Variants in CABIN1 observed in about 807,000 individuals in gnomAD.
CABIN1 encodes the protein calcineurin binding protein 1, also known as calcineurin-binding protein cabin-1.
CABIN1 carries 133 observed loss-of-function variants against 227.7 expected under a neutral mutation model. That is an observed-to-expected ratio of 0.58 (90% confidence interval 0.51 to 0.67). CABIN1 has a LOEUF of 0.67. Ranked by LOEUF, CABIN1 falls within the 30% of genes least tolerant of loss-of-function variation. CABIN1 has a pLI of 0.00. For synonymous variants in CABIN1, 1,086 were observed against 1,155.1 expected (o/e 0.94, Z 1.21); for missense variants, 2,408 against 2,852.5 (o/e 0.84, Z 3.55).
intron 10 of CABIN1, among the ~76,000 whole-genome samples, chr22:24,058,534 C>T (rs2038965210): frequency 1.3e-5 from 2 of 152,280 alleles, no homozygotes; most frequent in South Asian, 4.1e-4. Context: ...TCCCCAGTCC[C>T]GAGACTGGGC....
At chr22:24,040,388 T>G (rs953143660) in intron 4 of CABIN1, among the ~76,000 whole-genome samples, 4 of 152,180 alleles carry the variant, frequency 2.6e-5, no homozygotes, top group African/African-American at 4.8e-5. Flanking sequence ...TGAAGAGCAA[T>G]GTGTGGAAGC....
intron 18 of CABIN1, among the ~76,000 whole-genome samples, chr22:24,074,323 G>C (rs559465121): frequency 6.6e-6 from 1 of 152,238 alleles, no homozygotes; most frequent in South Asian, 2.1e-4. Flanking sequence ...AAGAAAGAGA[G>C]AGAGATTGGA....
At chr22:24,076,329 G>T in intron 19 of CABIN1, 45 bp downstream of exon 19, 1 of 1,510,478 alleles carries the variant, frequency 6.6e-7, no homozygotes. Context: ...GCGGGGCAGG[G>T]CTGGGGTGGG....
At chr22:24,035,582 G>C (rs1013502259) in intron 2 of CABIN1, 62 bp downstream of exon 2, 1 of 1,600,980 alleles carries the variant, frequency 6.2e-7, no homozygotes, top group African/African-American at 1.3e-5. Flanking sequence ...TTACTCCTGG[G>C]GGCGAGGGGC....
At chr22:24,105,015 A>G (rs2042431560) in intron 26 of CABIN1, among the ~76,000 whole-genome samples, 1 of 152,212 alleles carries the variant, frequency 6.6e-6, no homozygotes, top group East Asian at 1.9e-4. Flanking sequence ...TTAAAGAGAC[A>G]CTGGAAAGTT....
intron 19 of CABIN1, among the ~76,000 whole-genome samples, chr22:24,078,373 C>CA (rs1304316905): frequency 8.5e-5 from 13 of 152,198 alleles, no homozygotes; most frequent in Non-Finnish European, 1.5e-4. Flanking sequence ...GCTGAGCACT[C>CA]ATGATTCTGG....
Position 24,166,745 on chromosome 22 carries a change from A to G in CABIN1, c.5114A>G (p.Gln1705Arg). Residue 1705 changes from glutamine to arginine, a missense_variant, in exon 32 of 37, where the codon CAG becomes CGG. Physicochemically the swap from Gln to Arg is conservative, Grantham distance 43. Transcript: ENST00000263119. ...GAGGATGGCCAGGAGGGCCTCCCCC[A>G]GCCGAAGAAGCCCCCTCTGGCTGAT... ...SPEDGQEGLP[Q>R]PKKPPLADGS... 1 of 1,612,782 alleles carries G rather than the reference A, an allele frequency of 6.2e-7. No homozygotes were observed. Among genetic ancestry groups the G allele is most frequent in the Non-Finnish European group, 8.5e-7 (1 of 1,179,948 alleles).
At chr22:24,107,025 C>G (rs1479008399) in intron 26 of CABIN1, among the ~76,000 whole-genome samples, 1 of 152,160 alleles carries the variant, frequency 6.6e-6, no homozygotes, top group Admixed American at 6.5e-5. Context: ...CTTTTGGTGG[C>G]TCTCATTTGA....
chr22:24,060,614 TTTG>T (rs1262599567), intron 12 of CABIN1, among the ~76,000 whole-genome samples: 5 of 152,022 alleles, frequency 3.3e-5, no homozygotes, highest in South Asian at 2.1e-4. Context: ...GACTGAGGCT[TTTG>T]TTGTTGTTGT....
chr22:24,098,650 C>T (rs1484278997), intron 26 of CABIN1, among the ~76,000 whole-genome samples: 1 of 151,954 alleles, frequency 6.6e-6, no homozygotes, highest in African/African-American at 2.4e-5. Flanking sequence ...AGTCTGTCAC[C>T]CCTGAGAATC....
Position 24,133,064 on chromosome 22 carries a change from C to G in CABIN1, c.4633-1238C>G, listed in dbSNP as rs10427752. Among the ~76,000 whole-genome samples, 1,457 of 152,286 alleles carry G rather than the reference C, an allele frequency of 9.6e-3. 27 individuals carry two copies. Among genetic ancestry groups the G allele is most frequent in the African/African-American group, 0.033 (1,369 of 41,558 alleles). ...GGACCCTTTTGCTGCCCAGGTTGTTCCCTCCTCTGCCTGTCTCTCCTTCCC... is the reference window on the plus strand; with the variant it reads ...GGACCCTTTTGCTGCCCAGGTTGTTGCCTCCTCTGCCTGTCTCTCCTTCCC... On this transcript the variant is annotated intron_variant, in intron 28 of 36. Transcript: ENST00000263119.
chr22:24,059,962 A>C lies in CABIN1; in HGVS notation c.1438A>C (p.Thr480Pro). ...DVHEFLLENLTNGGILELMMR... is the reference protein window; with the variant it reads ...DVHEFLLENLPNGGILELMMR... ...GCATGAGTTCCTGCTGGAGAACCTA[A>C]CCAACGGGGGCATCCTGGAGCTGAT... The change falls in exon 12 of 37, where the codon ACC (threonine) becomes CCC (proline). Residue 480 changes from threonine to proline, a missense_variant. This residue lies in a region of CABIN1 where 1,045 missense variants were observed against 1,168.4 expected (regional missense o/e 0.89). Coordinates refer to ENST00000263119, the MANE Select transcript of CABIN1 (RefSeq NM_012295.4). 1 of 1,614,222 alleles carries C rather than the reference A, an allele frequency of 6.2e-7. No homozygotes were observed. The highest frequency in any genetic ancestry group is 8.5e-7 in the Non-Finnish European group (1 of 1,180,036).
At chr22:24,096,785 A>G (rs955256491) in intron 25 of CABIN1, among the ~76,000 whole-genome samples, 23 of 152,222 alleles carry the variant, frequency 1.5e-4, no homozygotes, top group African/African-American at 4.8e-4. Flanking sequence ...GCTCAGGGTC[A>G]CCACCTGCCA....
At chr22:24,067,546 A>T (rs138866884) in intron 16 of CABIN1, among the ~76,000 whole-genome samples, 1 of 152,228 alleles carries the variant, frequency 6.6e-6, no homozygotes, top group Non-Finnish European at 1.5e-5. Flanking sequence ...AGTGGCTAAA[A>T]TATCTGTACA....
chr22:24,012,867 TCTC>T (rs1490376665), intron 1 of CABIN1, among the ~76,000 whole-genome samples: 1 of 151,950 alleles, frequency 6.6e-6, no homozygotes, highest in Non-Finnish European at 1.5e-5. Flanking sequence ...TTCAAGCAGT[TCTC>T]CTGTCTCGGC....
chr22:24,104,788 C>T (rs1371006021), intron 26 of CABIN1, among the ~76,000 whole-genome samples: 1 of 152,214 alleles, frequency 6.6e-6, no homozygotes, highest in East Asian at 1.9e-4. Context: ...CAGAAAATTT[C>T]TCAAAATACT....
chr22:24,069,177 T>G (rs1361503686), intron 16 of CABIN1, among the ~76,000 whole-genome samples: 1 of 152,244 alleles, frequency 6.6e-6, no homozygotes, highest in African/African-American at 2.4e-5. Flanking sequence ...TTGGATAGTT[T>G]GTGTCTTGTT....
At chr22:24,156,692 C>G (rs920700667) in intron 29 of CABIN1, 2 of 152,208 alleles carry the variant, frequency 1.3e-5, no homozygotes, top group Non-Finnish European at 1.5e-5. Flanking sequence ...AGCACCGGCC[C>G]GTTATGTGCG....
intron 20 of CABIN1, 55 bp downstream of exon 20, chr22:24,083,444 T>G: frequency 1.3e-6 from 2 of 1,591,968 alleles, no homozygotes; most frequent in South Asian, 1.1e-5. Context: ...GTAAGCTCTT[T>G]TGAAGGATGT....
Sources: allele counts gnomAD v4.1 joint callset (sites outside exome capture counted in the v4.1 genomes callset), GRCh38; gene constraint gnomAD v4.1.1; regional missense constraint gnomAD v4.1.1; transcripts MANE v1.5; gene names NCBI Gene and HGNC (gene_info 2026-07-23, HGNC 2026-07-21).